Variants in EYA2 observed in about 807,000 individuals in gnomAD.
EYA2 encodes protein phosphatase EYA2.
A neutral mutation model predicts 69.2 loss-of-function variants in EYA2; 31 were observed. The ratio of observed to expected loss-of-function variants is 0.45; its 90% CI spans 0.34 to 0.60. The LOEUF (loss-of-function observed/expected upper bound fraction) is 0.60, where lower values mean the gene tolerates loss of function less well. EYA2 is among the 20% of genes least tolerant of loss of function. The probability of loss-of-function intolerance (pLI) is 0.02; values close to 1 mark genes in which losing one functional copy is unlikely to be tolerated. For missense variants in EYA2, 622 were observed against 701.2 expected, an observed-to-expected ratio of 0.89 and a Z score of 1.28; for synonymous variants, 257 against 279.4, an observed-to-expected ratio of 0.92 and a Z score of 0.80.
At chr20:46,965,216 T>A (rs894434147) in intron 1 of EYA2, among the ~76,000 whole-genome samples, 26 of 152,156 alleles carry the variant, frequency 1.7e-4, no homozygotes, top group African/African-American at 6.0e-4. Context: ...ATCCCACTGC[T>A]CAAGGTCATA....
chr20:47,153,365 G>A (rs915028839), intron 10 of EYA2, among the ~76,000 whole-genome samples: 2 of 151,930 alleles, frequency 1.3e-5, no homozygotes, highest in Non-Finnish European at 2.9e-5. Flanking sequence ...AGGAGGCCAA[G>A]CGCAGTGGCT....
chr20:46,992,408 C>A (rs982021477), intron 2 of EYA2, among the ~76,000 whole-genome samples: 1 of 152,152 alleles, frequency 6.6e-6, no homozygotes, highest in Admixed American at 6.5e-5. Flanking sequence ...GTACTCTGTA[C>A]TATTTCTCAT....
chr20:47,142,674 A>G (rs1218929098), intron 9 of EYA2, among the ~76,000 whole-genome samples: 2 of 152,254 alleles, frequency 1.3e-5, no homozygotes, highest in Admixed American at 1.3e-4. Flanking sequence ...GAAATCTTCC[A>G]GACCTCCCTG....
intron 1 of EYA2, among the ~76,000 whole-genome samples, chr20:46,935,277 C>T (rs555947559): frequency 6.6e-6 from 1 of 152,314 alleles, no homozygotes; most frequent in African/African-American, 2.4e-5. Context: ...AGGCTGTCAC[C>T]AACAGAATTA....
At chr20:47,135,752 C>T (rs912038628) in intron 9 of EYA2, among the ~76,000 whole-genome samples, 1 of 138,534 alleles carries the variant, frequency 7.2e-6, no homozygotes, top group African/African-American at 2.7e-5. Flanking sequence ...GAGGCTGAGG[C>T]AGGAGGATCA....
chr20:47,132,584 G>A (rs915604048), intron 9 of EYA2, among the ~76,000 whole-genome samples: 1 of 152,218 alleles, frequency 6.6e-6, no homozygotes, highest in African/African-American at 2.4e-5. Context: ...CTCCTTCAAG[G>A]TGATGTACCT....
At chr20:47,132,683 C>G (rs2033370923) in intron 9 of EYA2, among the ~76,000 whole-genome samples, 1 of 152,224 alleles carries the variant, frequency 6.6e-6, no homozygotes, top group South Asian at 2.1e-4. Context: ...AGATTCTTGT[C>G]TATGGCCACA....
intron 7 of EYA2, among the ~76,000 whole-genome samples, chr20:47,086,946 C>T (rs1381062812): frequency 6.6e-6 from 1 of 152,080 alleles, no homozygotes; most frequent in African/African-American, 2.4e-5. Context: ...GTTTTCTAAG[C>T]CCAGTAGCCT....
intron 1 of EYA2, among the ~76,000 whole-genome samples, chr20:46,952,080 G>C (rs1047651402): frequency 6.6e-6 from 1 of 152,234 alleles, no homozygotes; most frequent in African/African-American, 2.4e-5. Context: ...ACAAAGGCAC[G>C]TGTGTAATGA....
intron 5 of EYA2, among the ~76,000 whole-genome samples, chr20:47,019,967 T>A: frequency 1.4e-5 from 1 of 69,002 alleles, no homozygotes; most frequent in Non-Finnish European, 3.1e-5. Flanking sequence ...CAAGACCCTA[T>A]CTTTAAAAAA....
chr20:46,897,033 A>G (rs4810571), intron 1 of EYA2, among the ~76,000 whole-genome samples: 79,196 of 151,784 alleles, frequency 0.52, 20,745 homozygotes, highest in East Asian at 0.56. Context: ...AGTTTTCATC[A>G]CGTAAGTTTT....
At chr20:47,073,501 G>C (rs531567550) in intron 6 of EYA2, among the ~76,000 whole-genome samples, 1 of 151,828 alleles carries the variant, frequency 6.6e-6, no homozygotes, top group Non-Finnish European at 1.5e-5. Flanking sequence ...TCGTGGGGGG[G>C]GGGTGCAGTG....
intron 5 of EYA2, among the ~76,000 whole-genome samples, chr20:47,035,041 C>A (rs1238549782): frequency 3.3e-5 from 5 of 152,216 alleles, no homozygotes; most frequent in Non-Finnish European, 4.4e-5. Flanking sequence ...CAAATAAGAT[C>A]ACATTTACAG....
intron 5 of EYA2, among the ~76,000 whole-genome samples, chr20:47,045,635 CT>C (rs1291263878): frequency 6.6e-6 from 1 of 152,244 alleles, no homozygotes; most frequent in East Asian, 1.9e-4. Context: ...GAAGCTGCCC[CT>C]GTCTTCTTCC....
intron 3 of EYA2, among the ~76,000 whole-genome samples, chr20:47,001,992 C>T (rs528552242): frequency 6.6e-5 from 10 of 151,318 alleles, no homozygotes; most frequent in Admixed American, 1.3e-4. Flanking sequence ...AGTGCAGTGG[C>T]GTGATCTCAG....
intron 5 of EYA2, among the ~76,000 whole-genome samples, chr20:47,038,902 G>GA (rs11482241): frequency 0.097 from 14,814 of 152,072 alleles, 1,114 homozygotes; most frequent in East Asian, 0.32. Context: ...GGGGCTTCTC[G>GA]AACAGGAGAA....
At chr20:47,014,706 A>G (rs1358112261) in intron 4 of EYA2, among the ~76,000 whole-genome samples, 2 of 151,844 alleles carry the variant, frequency 1.3e-5, no homozygotes, top group Non-Finnish European at 2.9e-5. Context: ...ATACATATGT[A>G]TATGCATATA....
chr20:46,932,774 T>A (rs1252507387), intron 1 of EYA2, among the ~76,000 whole-genome samples: 1 of 152,052 alleles, frequency 6.6e-6, no homozygotes, highest in Non-Finnish European at 1.5e-5. Context: ...TATTCCTAGC[T>A]ACGTGGATGG....
intron 10 of EYA2, among the ~76,000 whole-genome samples, chr20:47,155,988 C>G (rs1308587540): frequency 7.0e-6 from 1 of 143,718 alleles, no homozygotes; most frequent in African/African-American, 2.5e-5. Flanking sequence ...ACCAGCCCAG[C>G]CAATGTGGCG....
Sources: allele counts gnomAD v4.1 joint callset (sites outside exome capture counted in the v4.1 genomes callset), GRCh38; gene constraint gnomAD v4.1.1; transcripts MANE v1.5; gene names NCBI Gene and HGNC (gene_info 2026-07-23, HGNC 2026-07-21).